The following KPNA4 variants were observed in gnomAD, a reference collection of about 807,000 sequenced individuals.
KPNA4 encodes karyopherin subunit alpha 4.
Under a neutral mutation model 71.3 loss-of-function variants are expected in KPNA4, and 13 were observed. The ratio of observed to expected loss-of-function variants is 0.18; its 90% CI spans 0.12 to 0.29. The LOEUF (loss-of-function observed/expected upper bound fraction) is 0.29. KPNA4 is among the 10% of genes least tolerant of loss of function. The probability of loss-of-function intolerance (pLI) is 1.00; values close to 1 mark genes in which losing one functional copy is unlikely to be tolerated. For missense variants in KPNA4, 334 were observed against 603.2 expected, an observed-to-expected ratio of 0.55 and a Z score of 4.67; for synonymous variants, 189 against 195.2, an observed-to-expected ratio of 0.97 and a Z score of 0.26.
intron 1 of KPNA4, among the ~76,000 whole-genome samples, chr3:160,564,849 C>T (rs555495039): frequency 6.6e-6 from 1 of 150,952 alleles, no homozygotes; most frequent in East Asian, 1.9e-4. Context: ...TCCGCCACTG[C>T]CGGGGAAGGG....
chr3:160,536,463 C>T (rs1721696592), intron 2 of KPNA4, among the ~76,000 whole-genome samples: 1 of 152,056 alleles, frequency 6.6e-6, no homozygotes, highest in Non-Finnish European at 1.5e-5. Context: ...CTTACTACTG[C>T]CCATTAATAG....
Position 160,514,210 on chromosome 3 carries a change from T to G in KPNA4, c.1033-29A>C, listed in dbSNP as rs775227455. 4.0e-6 allele frequency: 6 copies of G among 1,512,048 alleles called. No homozygotes were observed. In the South Asian group the frequency reaches 7.4e-5, roughly 19 times the overall value. The allele number at this position is 1,512,048 out of a possible 1,614,324, so 93.7% of individuals were successfully genotyped here. ...TAGAACAAGAGCATTTGAATATTTC[T>G]CATTAAAAAATAAAATCTGCATCTG... On this transcript the variant is annotated intron_variant, in intron 12 of 16. Transcript: ENST00000334256.
At chr3:160,508,735 G>T (rs1721037832) in intron 14 of KPNA4, among the ~76,000 whole-genome samples, 1 of 151,856 alleles carries the variant, frequency 6.6e-6, no homozygotes, top group South Asian at 2.1e-4. Context: ...GCCCAGGCTG[G>T]TCTTGAACTC....
At chr3:160,563,255 A>G (rs951842976) in intron 1 of KPNA4, among the ~76,000 whole-genome samples, 3 of 152,254 alleles carry the variant, frequency 2.0e-5, no homozygotes, top group African/African-American at 7.2e-5. Flanking sequence ...AAACCTTGAA[A>G]ACATTACACT....
chr3:160,549,127 AG>A (rs1721988141), intron 1 of KPNA4, among the ~76,000 whole-genome samples: 1 of 152,150 alleles, frequency 6.6e-6, no homozygotes, highest in South Asian at 2.1e-4. Context: ...ATTTTAAAAT[AG>A]GGTTGTTGGT....
chr3:160,531,946 C>T (rs1276169197), intron 5 of KPNA4, among the ~76,000 whole-genome samples: 1 of 152,158 alleles, frequency 6.6e-6, no homozygotes, highest in African/African-American at 2.4e-5. Flanking sequence ...GCGTGCGCCA[C>T]CACACCCAGC....
At chr3:160,514,897 C>G (rs751835911) in intron 12 of KPNA4, 2 of 507,758 alleles carry the variant, frequency 3.9e-6, no homozygotes, top group South Asian at 2.8e-5. Context: ...CTAATGTATA[C>G]TAGGCTCTTT....
chr3:160,535,190 T>C (rs901989851), intron 5 of KPNA4, among the ~76,000 whole-genome samples: 4 of 152,182 alleles, frequency 2.6e-5, no homozygotes, highest in Non-Finnish European at 5.9e-5. Context: ...TAGTAAAAGG[T>C]AAAGCTTTAC....
At chr3:160,511,714 T>TTATATA (rs10666878) in intron 13 of KPNA4, among the ~76,000 whole-genome samples, 32,823 of 146,282 alleles carry the variant, frequency 0.22, 3,939 homozygotes, top group Non-Finnish European at 0.25. Context: ...TTTGTTATTT[T>TTATATA]TATATATATA....
intron 11 of KPNA4, among the ~76,000 whole-genome samples, chr3:160,518,013 G>C (rs1293714834): frequency 6.6e-6 from 1 of 151,942 alleles, no homozygotes; most frequent in Admixed American, 6.6e-5. Flanking sequence ...GTTGCTTGTG[G>C]TGTCACATCT....
intron 1 of KPNA4, chr3:160,564,511 G>C (rs1011656426): frequency 6.6e-6 from 1 of 152,284 alleles, no homozygotes; most frequent in African/African-American, 2.4e-5. Context: ...TTGCCTGGAA[G>C]AGGGCACACC....
chr3:160,522,725 T>C, intron 10 of KPNA4, among the ~76,000 whole-genome samples: 1 of 152,248 alleles, frequency 6.6e-6, no homozygotes, highest in Non-Finnish European at 1.5e-5. Context: ...CCCAAAGTGC[T>C]GGGATTACAG....
chr3:160,525,812 G>A lies in KPNA4; in HGVS notation c.759C>T (p.His253=). The change falls in exon 10 of 17, where the codon CAC becomes CAT. Residue 253 remains histidine, a synonymous_variant. Coordinates refer to ENST00000334256, the MANE Select transcript of KPNA4 (RefSeq NM_002268.5). ...ILPALCVLIH[H]TDVNILVDTV... is the part of the protein sequence containing the mutation. ...CACATTTACTCACATTTACATCTGT[G>A]TGATGAATTAAAACACAAAGGGCTG... 1 of 1,565,398 alleles carries A rather than the reference G, an allele frequency of 6.4e-7. No individual in the cohort carries two copies. Among genetic ancestry groups the A allele is most frequent in the Non-Finnish European group, 8.7e-7 (1 of 1,154,820 alleles).
At chr3:160,553,708 T>A (rs1357039887) in intron 1 of KPNA4, among the ~76,000 whole-genome samples, 1 of 152,136 alleles carries the variant, frequency 6.6e-6, no homozygotes, top group Non-Finnish European at 1.5e-5. Context: ...CTGAAAAAAA[T>A]TATTAAACTT....
intron 15 of KPNA4, among the ~76,000 whole-genome samples, chr3:160,507,215 G>A (rs1045697781): frequency 6.6e-6 from 1 of 151,922 alleles, no homozygotes; most frequent in African/African-American, 2.4e-5. Flanking sequence ...AGATTCACAG[G>A]AGGTCGGGCG....
At chr3:160,506,176 T>A (rs1720979764) in intron 15 of KPNA4, among the ~76,000 whole-genome samples, 1 of 151,808 alleles carries the variant, frequency 6.6e-6, no homozygotes, top group Non-Finnish European at 1.5e-5. Context: ...TTATTTTATT[T>A]TATTTTTTTT....
intron 1 of KPNA4, among the ~76,000 whole-genome samples, chr3:160,547,123 CCAA>C (rs1384814576): frequency 1.3e-5 from 2 of 152,152 alleles, no homozygotes; most frequent in Non-Finnish European, 2.9e-5. Flanking sequence ...TTTAAAAAGT[CCAA>C]CTATGAAATG....
intron 1 of KPNA4, among the ~76,000 whole-genome samples, chr3:160,551,657 G>A (rs1722042132): frequency 6.6e-6 from 1 of 152,172 alleles, no homozygotes; most frequent in South Asian, 2.1e-4. Flanking sequence ...ATTTGGACAA[G>A]TAATTTCACT....
intron 11 of KPNA4, among the ~76,000 whole-genome samples, chr3:160,520,653 A>C (rs367621172): frequency 6.6e-6 from 1 of 152,172 alleles, no homozygotes; most frequent in South Asian, 2.1e-4. Flanking sequence ...ACTATGTATC[A>C]GTATCACCTG....
Sources: gnomAD v4.1 joint callset for allele counts (sites outside exome capture counted in the v4.1 genomes callset) on GRCh38, gnomAD v4.1.1 for gene constraint, MANE v1.5 for transcripts, NCBI Gene and HGNC (gene_info 2026-07-23, HGNC 2026-07-21) for gene names.